Variants in ANK2 observed in about 807,000 individuals in gnomAD.
ANK2 encodes ankyrin-2.
A neutral mutation model predicts 360.5 loss-of-function variants in ANK2; 83 were observed. That is an observed-to-expected ratio of 0.23 (90% confidence interval 0.19 to 0.28). The LOEUF (loss-of-function observed/expected upper bound fraction) is 0.28. Ranked by LOEUF, ANK2 falls within the 10% of genes least tolerant of loss-of-function variation. ANK2 has a pLI of 1.00. For synonymous variants in ANK2, 1,740 were observed against 1,759.5 expected (o/e 0.99, Z 0.28); for missense variants, 4,201 against 4,795.7 (o/e 0.88, Z 3.66).
upstream of ANK2, among the ~76,000 whole-genome samples, chr4:113,045,000 T>C (rs570194085): frequency 6.6e-6 from 1 of 152,314 alleles, no homozygotes; most frequent in South Asian, 2.1e-4. Flanking sequence ...TTTTGAGGGC[T>C]TTAGAGAACT....
the ANK2 span, among the ~76,000 whole-genome samples, chr4:112,799,737 G>GTAAC: frequency 6.6e-6 from 1 of 150,502 alleles, no homozygotes; most frequent in Non-Finnish European, 1.5e-5. Context: ...GGCTGGTCTT[G>GTAAC]TAACTCTTGC....
At chr4:113,202,291 TC>T in intron 4 of ANK2, among the ~76,000 whole-genome samples, 1 of 152,296 alleles carries the variant, frequency 6.6e-6, no homozygotes, top group East Asian at 1.9e-4. Context: ...AGATGTTATT[TC>T]CCTCAGTACT....
chr4:112,718,506 G>A, the ANK2 span, among the ~76,000 whole-genome samples: 1 of 152,142 alleles, frequency 6.6e-6, no homozygotes, highest in African/African-American at 2.4e-5. Flanking sequence ...TAGAGACATG[G>A]TTTCACCATG....
chr4:112,762,762 G>C, the ANK2 span, among the ~76,000 whole-genome samples: 1 of 152,186 alleles, frequency 6.6e-6, no homozygotes, highest in African/African-American at 2.4e-5. Flanking sequence ...CACCCGCCTT[G>C]GCCTCCCAAA....
chr4:112,972,395 C>G (rs1328715612), intron 2 of ANK2, among the ~76,000 whole-genome samples: 1 of 152,084 alleles, frequency 6.6e-6, no homozygotes, highest in Non-Finnish European at 1.5e-5. Context: ...TTCCCTGTGT[C>G]CATGTGATCA....
chr4:113,170,423 A>G (rs2097903620), intron 1 of ANK2, among the ~76,000 whole-genome samples: 1 of 152,142 alleles, frequency 6.6e-6, no homozygotes, highest in Non-Finnish European at 1.5e-5. Flanking sequence ...TCTGTCTATT[A>G]TGCATCTGTA....
chr4:113,090,278 C>T (rs6826558), intron 1 of ANK2, among the ~76,000 whole-genome samples: 32,512 of 152,116 alleles, frequency 0.21, 3,640 homozygotes, highest in South Asian at 0.29. Context: ...AATTATTACT[C>T]TCAACTCCTT....
chr4:112,851,250 G>C (rs1423415239), intron 1 of ANK2, among the ~76,000 whole-genome samples: 1 of 152,192 alleles, frequency 6.6e-6, no homozygotes, highest in Non-Finnish European at 1.5e-5. Context: ...TGCACCCCTT[G>C]TTAATAATTG....
At chr4:113,138,952 C>T (rs2096541984) in intron 1 of ANK2, among the ~76,000 whole-genome samples, 1 of 152,104 alleles carries the variant, frequency 6.6e-6, no homozygotes, top group Non-Finnish European at 1.5e-5. Context: ...ATTTTCTACC[C>T]TTAGTCATGA....
chr4:113,202,247 C>T (rs1402193962), intron 4 of ANK2, among the ~76,000 whole-genome samples: 1 of 152,146 alleles, frequency 6.6e-6, no homozygotes, highest in Non-Finnish European at 1.5e-5. Context: ...CTGATGGTTT[C>T]AGAGCCACTG....
chr4:112,812,673 A>G, the ANK2 span, among the ~76,000 whole-genome samples: 3 of 152,184 alleles, frequency 2.0e-5, no homozygotes, highest in Non-Finnish European at 4.4e-5. Flanking sequence ...GATTTGTGAG[A>G]AAAATAAATG....
intron 1 of ANK2, among the ~76,000 whole-genome samples, chr4:112,830,489 A>G (rs2149660220): frequency 6.6e-6 from 1 of 152,328 alleles, no homozygotes; most frequent in Middle Eastern, 3.4e-3. Flanking sequence ...AACATTAGAC[A>G]CTGGGGCCTA....
chr4:112,981,776 A>T (rs757810167), intron 2 of ANK2, among the ~76,000 whole-genome samples: 1 of 152,226 alleles, frequency 6.6e-6, no homozygotes, highest in Non-Finnish European at 1.5e-5. Context: ...AAAGAAAGGA[A>T]GTTTGGGCTG....
At chr4:113,042,562 A>G (rs923256374) in intron 2 of ANK2, among the ~76,000 whole-genome samples, 1 of 151,208 alleles carries the variant, frequency 6.6e-6, no homozygotes, top group Non-Finnish European at 1.5e-5. Context: ...CAGGGACACA[A>G]ATGTTTTGTC....
chr4:113,117,822 T>C (rs572629795), intron 1 of ANK2, among the ~76,000 whole-genome samples: 68 of 152,262 alleles, frequency 4.5e-4, no homozygotes, highest in African/African-American at 1.6e-3. Context: ...TTTAGCAGTG[T>C]GTCTTCTCAC....
At chr4:112,911,146 C>A (rs1261705097) in intron 2 of ANK2, among the ~76,000 whole-genome samples, 1 of 124,418 alleles carries the variant, frequency 8.0e-6, no homozygotes, top group Non-Finnish European at 1.6e-5. Flanking sequence ...TTAGTAGAGA[C>A]TTTAGTAGAG....
chr4:112,734,627 G>A, the ANK2 span, among the ~76,000 whole-genome samples: 1 of 152,208 alleles, frequency 6.6e-6, no homozygotes, highest in African/African-American at 2.4e-5. Context: ...ATTTCAAGAA[G>A]TGGTTCTCTT....
intron 38 of ANK2, 119 bp downstream of exon 38, chr4:113,359,418 G>A: frequency 1.5e-6 from 2 of 1,314,800 alleles, no homozygotes; most frequent in South Asian, 2.6e-5. Context: ...TTCTGTAGTG[G>A]CTAATGTGTT....
At chr4:113,037,981 G>A (rs1490381131) in intron 2 of ANK2, among the ~76,000 whole-genome samples, 1 of 152,054 alleles carries the variant, frequency 6.6e-6, no homozygotes, top group Non-Finnish European at 1.5e-5. Flanking sequence ...AGAGTTTGAA[G>A]CTAACAAACA....
Sources: allele counts gnomAD v4.1 joint callset (sites outside exome capture counted in the v4.1 genomes callset), GRCh38; gene constraint gnomAD v4.1.1; transcripts MANE v1.5; gene names NCBI Gene and HGNC (gene_info 2026-07-23, HGNC 2026-07-21).